The following MYO3B variants were observed in gnomAD, a reference collection of about 807,000 sequenced individuals.
MYO3B encodes myosin-IIIb.
Under a neutral mutation model 174.6 loss-of-function variants are expected in MYO3B, and 156 were observed. The observed-to-expected ratio is 0.89, with a 90% CI of 0.78 to 1.02. The LOEUF (loss-of-function observed/expected upper bound fraction) is 1.02. Ranked by LOEUF, MYO3B falls within the 50% of genes least tolerant of loss-of-function variation. The pLI, the probability that MYO3B is intolerant of heterozygous loss-of-function variation, is 0.00. For missense variants in MYO3B, 1,632 were observed against 1,639.4 expected, an observed-to-expected ratio of 1.00 and a Z score of 0.08; for synonymous variants, 563 against 569.1, an observed-to-expected ratio of 0.99 and a Z score of 0.15.
chr2:170,526,088 A>T (rs1468325489), intron 30 of MYO3B, among the ~76,000 whole-genome samples: 1 of 152,144 alleles, frequency 6.6e-6, no homozygotes, highest in African/African-American at 2.4e-5. Flanking sequence ...GTATTGTCTC[A>T]TTTGGGTAGA....
intron 23 of MYO3B, among the ~76,000 whole-genome samples, chr2:170,450,614 T>C (rs1683546780): frequency 6.6e-6 from 1 of 152,130 alleles, no homozygotes; most frequent in Admixed American, 6.5e-5. Context: ...TTTGTTTTCA[T>C]TGTCTCTAAT....
At chr2:170,392,633 A>T in intron 16 of MYO3B, 138 bp downstream of exon 16, 1 of 496,928 alleles carries the variant, frequency 2.0e-6, no homozygotes. Context: ...TTGCTACTCA[A>T]AGTGTGGTCC....
intron 23 of MYO3B, among the ~76,000 whole-genome samples, chr2:170,445,045 A>G (rs1297837444): frequency 1.3e-5 from 2 of 152,236 alleles, no homozygotes; most frequent in African/African-American, 4.8e-5. Flanking sequence ...TGCTTCCAGG[A>G]GGAAATACGG....
intron 30 of MYO3B, among the ~76,000 whole-genome samples, chr2:170,526,778 T>A (rs1689029318): frequency 6.6e-6 from 1 of 152,236 alleles, no homozygotes; most frequent in African/African-American, 2.4e-5. Flanking sequence ...TGTTTTGAGT[T>A]ATATTTTTCC....
intron 8 of MYO3B, among the ~76,000 whole-genome samples, chr2:170,359,484 G>C (rs2094145686): frequency 6.6e-6 from 1 of 152,138 alleles, no homozygotes; most frequent in South Asian, 2.1e-4. Context: ...ATGAACCTCA[G>C]TTTAATGTGG....
chr2:170,227,807 A>T (rs1470427972), intron 6 of MYO3B, among the ~76,000 whole-genome samples: 1 of 152,126 alleles, frequency 6.6e-6, no homozygotes, highest in Non-Finnish European at 1.5e-5. Context: ...AAGGAGAAAA[A>T]CATTTTTTTC....
intron 8 of MYO3B, among the ~76,000 whole-genome samples, chr2:170,351,884 A>C (rs1340812569): frequency 6.6e-6 from 1 of 152,194 alleles, no homozygotes; most frequent in African/African-American, 2.4e-5. Context: ...AACTCTAATC[A>C]TACAGTTGGG....
chr2:170,482,394 A>T (rs941343576), intron 25 of MYO3B, among the ~76,000 whole-genome samples: 3 of 152,160 alleles, frequency 2.0e-5, no homozygotes, highest in Admixed American at 6.5e-5. Context: ...ACTTCAGGTG[A>T]TCTGCCTGCC....
At chr2:170,620,038 A>G (rs1279456204) in intron 32 of MYO3B, among the ~76,000 whole-genome samples, 1 of 152,116 alleles carries the variant, frequency 6.6e-6, no homozygotes, top group African/African-American at 2.4e-5. Context: ...TGTGAATACC[A>G]AGAAGTGGGG....
intron 32 of MYO3B, among the ~76,000 whole-genome samples, chr2:170,647,098 G>GT (rs918764996): frequency 6.6e-6 from 1 of 152,052 alleles, no homozygotes; most frequent in Non-Finnish European, 1.5e-5. Flanking sequence ...TCTTTCTAAA[G>GT]TTTTTTGGAG....
intron 22 of MYO3B, among the ~76,000 whole-genome samples, chr2:170,429,972 A>G (rs938466180): frequency 9.3e-5 from 14 of 150,948 alleles, no homozygotes; most frequent in African/African-American, 3.4e-4. Context: ...GCTCTTGAAC[A>G]ATGTTGGTTT....
At chr2:170,517,161 G>A (rs1688371235) in intron 29 of MYO3B, among the ~76,000 whole-genome samples, 1 of 152,196 alleles carries the variant, frequency 6.6e-6, no homozygotes, top group South Asian at 2.1e-4. Context: ...AGCAAAGCTG[G>A]GGGATGGAGG....
chr2:170,457,698 G>A (rs937171080), intron 23 of MYO3B, among the ~76,000 whole-genome samples: 16 of 152,200 alleles, frequency 1.1e-4, no homozygotes, highest in Non-Finnish European at 1.3e-4. Flanking sequence ...GCTGTTCCAC[G>A]GTTAATGTTT....
At chr2:170,634,598 C>G (rs1247418679) in intron 32 of MYO3B, among the ~76,000 whole-genome samples, 5 of 152,172 alleles carry the variant, frequency 3.3e-5, no homozygotes, top group Admixed American at 1.3e-4. Flanking sequence ...GCAATGGCAA[C>G]AAAAGCCAAA....
intron 6 of MYO3B, among the ~76,000 whole-genome samples, chr2:170,217,683 G>T (rs2092846030): frequency 6.6e-6 from 1 of 152,188 alleles, no homozygotes; most frequent in Admixed American, 6.5e-5. Context: ...AAATTCATCA[G>T]CCCTTGTATA....
chr2:170,614,180 ACT>A (rs1695302968), intron 32 of MYO3B, among the ~76,000 whole-genome samples: 1 of 151,868 alleles, frequency 6.6e-6, no homozygotes, highest in Admixed American at 6.6e-5. Context: ...TCCTGGCTCA[ACT>A]CTCTGCTGCT....
intron 32 of MYO3B, among the ~76,000 whole-genome samples, chr2:170,594,821 GCGCGCGCACACA>G (rs1694037915): frequency 7.7e-6 from 1 of 129,678 alleles, no homozygotes; most frequent in African/African-American, 3.5e-5. Context: ...CTCTTTCCCA[GCGCGCGCACACA>G]CACACACACA....
intron 25 of MYO3B, among the ~76,000 whole-genome samples, chr2:170,470,202 T>C (rs1417556607): frequency 6.7e-6 from 1 of 148,634 alleles, no homozygotes. Context: ...CATCTAATCA[T>C]AGAACATTTC....
intron 7 of MYO3B, among the ~76,000 whole-genome samples, chr2:170,279,724 T>G (rs1235313835): frequency 2.0e-5 from 3 of 152,198 alleles, no homozygotes; most frequent in Non-Finnish European, 4.4e-5. Flanking sequence ...AGTATTTGGT[T>G]TCCTGTTCCT....
Sources: allele counts gnomAD v4.1 joint callset (sites outside exome capture counted in the v4.1 genomes callset), GRCh38; gene constraint gnomAD v4.1.1; transcripts MANE v1.5; gene names NCBI Gene and HGNC (gene_info 2026-07-23, HGNC 2026-07-21).